GNAT1: variants seen among roughly 807,000 people sequenced by gnomAD.
The protein encoded by GNAT1 is G protein subunit alpha transducin 1.
A neutral mutation model predicts 40.0 loss-of-function variants in GNAT1; 36 were observed. The ratio of observed to expected loss-of-function variants is 0.90; its 90% CI spans 0.69 to 1.19. The LOEUF is 1.19. Ranked by LOEUF, GNAT1 falls within the 50% of genes most tolerant of loss-of-function variation. GNAT1 has a pLI of 0.00. For missense variants in GNAT1, 413 were observed against 480.6 expected, an observed-to-expected ratio of 0.86 and a Z score of 1.32; for synonymous variants, 195 against 192.9, an observed-to-expected ratio of 1.01 and a Z score of -0.09.
chr3:50,194,732 G>A lies in GNAT1; in HGVS notation c.863-33G>A, dbSNP rs745309371. ...CGCACCCCCCGCACGGGGAAGGAAG[G>A]GCTGAGCAGAGTGAGAGCTCCCGCC... On this transcript the variant is annotated intron_variant, in intron 7 of 8. Coordinates refer to ENST00000232461, the MANE Select transcript of GNAT1 (RefSeq NM_144499.3). The surrounding 1 kb of genome is among the most constrained non-coding windows in gnomAD (Gnocchi z 6.1). 5.0e-6 allele frequency: 8 copies of A among 1,612,234 alleles called. No individual in the cohort carries two copies. Among genetic ancestry groups the A allele is most frequent in the Middle Eastern group, 1.6e-4 (1 of 6,078 alleles).
Position 50,193,685 on chromosome 3 carries a change from G to A in GNAT1, c.449+22G>A, listed in dbSNP as rs750202823. On this transcript the variant is annotated intron_variant, in intron 4 of 8. Coordinates refer to ENST00000232461, the MANE Select transcript of GNAT1 (RefSeq NM_144499.3). This position sits in a 1 kb window ranked among gnomAD's most constrained non-coding sequence, Gnocchi z 8.1. ...GCTAGTGAGCGCGCGGGCAGCGCGG[G>A]GCGCGGGGCGCGGGGCGCAGGGGGC... The A allele has an allele frequency of 1.2e-6, 2 of 1,601,042 alleles. No individual in the cohort carries two copies. Among genetic ancestry groups the A allele is most frequent in the Admixed American group, 1.7e-5 (1 of 58,740 alleles).
chr3:50,192,984 G>C, intron 1 of GNAT1, 149 bp from the exon 2 acceptor site: 1 of 723,014 alleles, frequency 1.4e-6, no homozygotes. Flanking sequence ...TGGATGGGGG[G>C]GTAGGTGTGG....
Position 50,192,413 on chromosome 3 carries a change from G to A in GNAT1, c.106+582G>A, listed in dbSNP as rs375072319. ...GATAAAGCCGCGTCCACTGGACCAT[G>A]GGCACTGAGGAGAGATGGGGCTGAT... On this transcript the variant is annotated intron_variant, in intron 1 of 8. Coordinates refer to ENST00000232461, the MANE Select transcript of GNAT1 (RefSeq NM_144499.3). Among the ~76,000 whole-genome samples the A allele has an allele frequency of 2.5e-4, 38 of 152,338 alleles. No homozygotes were observed. In the South Asian group the frequency reaches 7.9e-3, roughly 32 times the overall value.
chr3:50,192,142 G>A (rs114691440), intron 1 of GNAT1, among the ~76,000 whole-genome samples: 114 of 152,316 alleles, frequency 7.5e-4, no homozygotes, highest in African/African-American at 2.6e-3. Context: ...CTGGGTTCCC[G>A]CAAGCTTCAT....
At position 50,191,702 on chromosome 3, in the gene GNAT1, G is replaced by T; in HGVS notation, c.-24G>T. 6.4e-7 allele frequency: 1 copy of T among 1,552,416 alleles called. No individual in the cohort carries two copies. The highest frequency in any genetic ancestry group is 8.9e-7 in the Non-Finnish European group (1 of 1,123,804). ...TCCAGAAGAACCACCTGCTCACTCT[G>T]TCCCTTCGCCTGCTGCTGGGACCAT... On this transcript the variant is annotated 5_prime_UTR_variant, in exon 1 of 9. Coordinates refer to ENST00000232461, the MANE Select transcript of GNAT1 (RefSeq NM_144499.3).
Position 50,197,449 on chromosome 3 carries a change from G to A in GNAT1, c.*2183G>A, listed in dbSNP as rs1028675435. On this transcript the variant is annotated 3_prime_UTR_variant, in exon 9 of 9. Coordinates refer to ENST00000232461, the MANE Select transcript of GNAT1 (RefSeq NM_144499.3). ...ATCTCTATGAATGTGACTGCTCTAA[G>A]TGCCTCAGATGTGTGGGTCCATGAA... Among the ~76,000 whole-genome samples the A allele has an allele frequency of 5.3e-5, 8 of 152,100 alleles. No individual in the cohort carries two copies. Among genetic ancestry groups the A allele is most frequent in the Non-Finnish European group, 1.2e-4 (8 of 68,042 alleles).
In GNAT1 at chr3:50,194,058, C is replaced by T. The variant is rs992090274; in HGVS notation, c.579-34C>T. 8 of 1,611,052 alleles carry T rather than the reference C, an allele frequency of 5.0e-6. No homozygotes were observed. In the East Asian group the frequency reaches 1.1e-4, roughly 22 times the overall value. On this transcript the variant is annotated intron_variant, in intron 5 of 8. Coordinates refer to ENST00000232461, the MANE Select transcript of GNAT1 (RefSeq NM_144499.3). This position sits in a 1 kb window ranked among gnomAD's most constrained non-coding sequence, Gnocchi z 6.1. Reference sequence around the variant, plus strand: ...GCGAAGGGATGTTGCCTGTGGGGCCCGGGGCGCAGGTTCAGGCCCCCGCGG... The same window carrying T: ...GCGAAGGGATGTTGCCTGTGGGGCCTGGGGCGCAGGTTCAGGCCCCCGCGG...
At position 50,194,369 on chromosome 3, in the gene GNAT1, C is replaced by G. The variant is rs577834062; in HGVS notation, c.709-132C>G. 7.2e-7 allele frequency: 1 copy of G among 1,381,582 alleles called. No individual in the cohort carries two copies. Among genetic ancestry groups the G allele is most frequent in the South Asian group, 1.2e-5 (1 of 81,240 alleles). The allele number at this position is 1,381,582 out of a possible 1,614,324, so 85.6% of individuals were successfully genotyped here. ...AGGAGGCCCGGAGGCGTTCAGCAGG[C>G]CCATCTGGGGCAGTGCGGGGAGCCC... On this transcript the variant is annotated intron_variant, in intron 6 of 8. Transcript: ENST00000232461. The surrounding 1 kb of genome is among the most constrained non-coding windows in gnomAD (Gnocchi z 6.1).
At position 50,194,849 on chromosome 3, in the gene GNAT1, A is replaced by G. The variant is rs772111717; in HGVS notation, c.947A>G (p.Tyr316Cys). ...ATGCGGCGCGACGTGAAGGAGATCT[A>G]TTCCCACATGACGTGCGCCACCGAC... is the stretch of plus-strand genomic sequence containing the variant. ...LNMRRDVKEI[Y>C]SHMTCATDTQ... Residue 316 changes from tyrosine (Y) to cysteine (C), a missense_variant, in exon 8 of 9, where the codon TAT becomes TGT. Transcript: ENST00000232461. This position sits in a 1 kb window ranked among gnomAD's most constrained non-coding sequence, Gnocchi z 6.1. The G allele has an allele frequency of 4.3e-6, 7 of 1,613,804 alleles. No individual in the cohort carries two copies. The East Asian group carries it at 1.6e-4, about 36-fold the overall frequency.
In GNAT1 at chr3:50,194,657, G is replaced by A. The variant is rs1290923063; in HGVS notation, c.862+3G>A. 6.2e-7 allele frequency: 1 copy of A among 1,612,680 alleles called. No homozygotes were observed. Among genetic ancestry groups the A allele is most frequent in the African/African-American group, 1.3e-5 (1 of 74,904 alleles). On this transcript the variant is annotated splice_donor_region_variant and intron_variant, in intron 7 of 8. Transcript: ENST00000232461. This position sits in a 1 kb window ranked among gnomAD's most constrained non-coding sequence, Gnocchi z 6.1. ...CATCTGTTTCCCGGACTACGATGGT[G>A]AGAAGTCCGCAAGGCCGCCAGGCGG...
chr3:50,196,099 A>G lies in GNAT1; in HGVS notation c.*833A>G, dbSNP rs1699498123. The stretch of plus-strand genomic sequence containing the variant: ...GTACTGTTGACACCAGCTATGGCCA[A>G]TAGCTGGGCTGTCCTGAGGGGTGGC... On this transcript the variant is annotated 3_prime_UTR_variant, in exon 9 of 9. Coordinates refer to ENST00000232461, the MANE Select transcript of GNAT1 (RefSeq NM_144499.3). 1 of 152,326 alleles carries G rather than the reference A, an allele frequency of 6.6e-6. No individual in the cohort carries two copies. The highest frequency in any genetic ancestry group is 2.4e-5 in the African/African-American group (1 of 41,456). 9.4% of individuals were successfully genotyped at this position (152,326 alleles called of 1,614,324 possible).
rs1699464223 is a variant in GNAT1, at chr3:50,194,067, G to A, written c.579-25G>A. On this transcript the variant is annotated intron_variant, in intron 5 of 8. Coordinates refer to ENST00000232461, the MANE Select transcript of GNAT1 (RefSeq NM_144499.3). This position sits in a 1 kb window ranked among gnomAD's most constrained non-coding sequence, Gnocchi z 6.1. ...TGTTGCCTGTGGGGCCCGGGGCGCA[G>A]GTTCAGGCCCCCGCGGCCCCGCAGG... 1.2e-6 allele frequency: 2 copies of A among 1,611,806 alleles called. No homozygotes were observed. The highest frequency in any genetic ancestry group is 1.3e-5 in the African/African-American group (1 of 74,854).
At position 50,197,134 on chromosome 3, in the gene GNAT1, A is replaced by T. The variant is rs952226178; in HGVS notation, c.*1868A>T. Reference sequence around the variant, plus strand: ...ATCCAACAGAGGATCAAACAGAGGCATGCTAAGATATATTGGGGCTTGAAG... The same window carrying T: ...ATCCAACAGAGGATCAAACAGAGGCTTGCTAAGATATATTGGGGCTTGAAG... On this transcript the variant is annotated 3_prime_UTR_variant, in exon 9 of 9. Coordinates refer to ENST00000232461, the MANE Select transcript of GNAT1 (RefSeq NM_144499.3). Among the ~76,000 whole-genome samples the T allele has an allele frequency of 1.3e-5, 2 of 152,240 alleles. No individual in the cohort carries two copies. The highest frequency in any genetic ancestry group is 2.9e-5 in the Non-Finnish European group (2 of 68,040).
In GNAT1 at chr3:50,197,307, C is replaced by T. The variant is rs1281429155; in HGVS notation, c.*2041C>T. Among the ~76,000 whole-genome samples, 1 of 152,158 alleles carries T rather than the reference C, an allele frequency of 6.6e-6. No individual in the cohort carries two copies. Among genetic ancestry groups the T allele is most frequent in the Non-Finnish European group, 1.5e-5 (1 of 68,032 alleles). On this transcript the variant is annotated 3_prime_UTR_variant, in exon 9 of 9. Coordinates refer to ENST00000232461, the MANE Select transcript of GNAT1 (RefSeq NM_144499.3). ...CATTCATAATGTTGTACAACCACCGCAACTGTTCATCTCCAGAACTCCTTT... is the reference window on the plus strand; with the variant it reads ...CATTCATAATGTTGTACAACCACCGTAACTGTTCATCTCCAGAACTCCTTT...
rs201849628 is a variant in GNAT1 at position 50,193,356 on chromosome 3, G to A, written c.241G>A (p.Val81Ile). The change falls in exon 3 of 9, where the codon GTA becomes ATA. Residue 81 changes from valine to isoleucine, a missense_variant. Val to Ile is a conservative substitution (Grantham distance 29). Transcript: ENST00000232461. This position sits in a 1 kb window ranked among gnomAD's most constrained non-coding sequence, Gnocchi z 8.1. ...GNTLQSILAI[V>I]RAMTTLNIQY... ...CACGTTGCAGTCCATCCTGGCCATC[G>A]TACGCGCCATGACCACACTCAACAT... The A allele has an allele frequency of 1.9e-4, 305 of 1,614,088 alleles. No individual in the cohort carries two copies. Among genetic ancestry groups the A allele is most frequent in the African/African-American group, 2.3e-4 (17 of 75,038 alleles).
Position 50,193,542 on chromosome 3 carries a change from A to G in GNAT1, c.328A>G (p.Ile110Val). 1 of 1,613,336 alleles carries G rather than the reference A, an allele frequency of 6.2e-7. No homozygotes were observed. The highest frequency in any genetic ancestry group is 8.5e-7 in the Non-Finnish European group (1 of 1,179,880). Residue 110 changes from isoleucine (I) to valine (V), a missense_variant, in exon 4 of 9, where the codon ATC becomes GTC. Coordinates refer to ENST00000232461, the MANE Select transcript of GNAT1 (RefSeq NM_144499.3). The surrounding 1 kb of genome is among the most constrained non-coding windows in gnomAD (Gnocchi z 8.1). Reference protein sequence around the residue: ...ARKLMHMADTIEEGTMPKEMS... With the variant: ...ARKLMHMADTVEEGTMPKEMS... Reference sequence around the variant, plus strand: ...GAAGCTGATGCACATGGCAGACACTATCGAGGAGGGCACGATGCCCAAGGA... The same window carrying G: ...GAAGCTGATGCACATGGCAGACACTGTCGAGGAGGGCACGATGCCCAAGGA...
rs143481438 is a variant in GNAT1, at chr3:50,193,388, C to A, written c.273C>A (p.Tyr91Ter). 55 of 1,613,952 alleles carry A rather than the reference C, an allele frequency of 3.4e-5. No individual in the cohort carries two copies. The highest frequency in any genetic ancestry group is 4.0e-5 in the Non-Finnish European group (47 of 1,180,020). ...VRAMTTLNIQ[Y>*]GDSARQDDAR... ...CCATGACCACACTCAACATCCAGTA[C>A]GGAGACTCTGCACGCCAGGTGTGCC... The change falls in exon 3 of 9, where the codon TAC becomes TAA. Residue 91 changes from tyrosine (Y) to a stop codon, truncating the protein, a stop_gained. Coordinates refer to ENST00000232461, the MANE Select transcript of GNAT1 (RefSeq NM_144499.3). LOFTEE classifies it high-confidence loss of function. This position sits in a 1 kb window ranked among gnomAD's most constrained non-coding sequence, Gnocchi z 8.1.
Position 50,193,085 on chromosome 3 carries a change from AG to A in GNAT1, c.107-43del, listed in dbSNP as rs757251091. 55 of 1,607,534 alleles carry A rather than the reference AG, an allele frequency of 3.4e-5. No individual in the cohort carries two copies. In the East Asian group the frequency reaches 7.8e-4, roughly 23 times the overall value. On this transcript the variant is annotated intron_variant, in intron 1 of 8. Coordinates refer to ENST00000232461, the MANE Select transcript of GNAT1 (RefSeq NM_144499.3). The surrounding 1 kb of genome is among the most constrained non-coding windows in gnomAD (Gnocchi z 8.1). ...CCCGTCCTCCTGGCCTCCTTGCTGG[AG>A]GGGGCAGGCTGGTCAGCGCAGCTCT... is the stretch of plus-strand genomic sequence containing the variant.
chr3:50,191,910 A>G, intron 1 of GNAT1, 79 bp downstream of exon 1: 3 of 933,958 alleles, frequency 3.2e-6, no homozygotes, highest in African/African-American at 1.6e-5. Flanking sequence ...TCTGTGAAGC[A>G]AGGATTCCCT....
Sources: allele counts gnomAD v4.1 joint callset (sites outside exome capture counted in the v4.1 genomes callset), GRCh38; gene constraint gnomAD v4.1.1; non-coding constraint Gnocchi (gnomAD v3.1); transcripts MANE v1.5; gene names NCBI Gene and HGNC (gene_info 2026-07-23, HGNC 2026-07-21).